The following SAMMSON variants were observed in gnomAD, a reference collection of about 807,000 sequenced individuals.
SAMMSON encodes the protein long intergenic non-protein coding RNA 1212.
chr3:70,001,550 C>T (rs1215182369), intron 1 of SAMMSON, among the ~76,000 whole-genome samples: 7 of 151,364 alleles, frequency 4.6e-5, no homozygotes, highest in South Asian at 4.2e-4. Context: ...ACTATGTGTA[C>T]GCTTTTTGGT....
intron 3 of SAMMSON, chr3:70,014,324 A>C (rs1221114047): frequency 6.6e-6 from 1 of 152,146 alleles, no homozygotes; most frequent in East Asian, 1.9e-4. Flanking sequence ...GGAGGCGTCT[A>C]AAAGATAAAT....
intron 3 of SAMMSON, among the ~76,000 whole-genome samples, chr3:70,041,016 G>A (rs2067104451): frequency 6.6e-6 from 1 of 152,086 alleles, no homozygotes; most frequent in South Asian, 2.1e-4. Context: ...GACGTTACCA[G>A]GGGCATTTAA....
intron 7 of SAMMSON, among the ~76,000 whole-genome samples, chr3:70,334,695 T>C (rs1702648838): frequency 6.6e-6 from 1 of 152,106 alleles, no homozygotes; most frequent in African/African-American, 2.4e-5. Context: ...AAGCTAAATA[T>C]GACTCCCTCA....
chr3:70,015,400 C>G (rs2066979273), intron 3 of SAMMSON: 1 of 145,390 alleles, frequency 6.9e-6, no homozygotes, highest in Non-Finnish European at 1.5e-5. Flanking sequence ...AAGTGCTGTT[C>G]TTTTTTTTTT....
At chr3:70,232,121 C>T (rs146003763) in intron 4 of SAMMSON, among the ~76,000 whole-genome samples, 118 of 152,284 alleles carry the variant, frequency 7.7e-4, no homozygotes, top group African/African-American at 2.6e-3. Flanking sequence ...GTGACACTGG[C>T]AGCGAGATGT....
At chr3:70,244,580 G>C (rs992119376) in intron 4 of SAMMSON, among the ~76,000 whole-genome samples, 1 of 152,174 alleles carries the variant, frequency 6.6e-6, no homozygotes, top group Admixed American at 6.6e-5. Context: ...AGACAAGATT[G>C]ACTGGTGAAT....
chr3:70,079,717 C>T (rs746235728), intron 4 of SAMMSON, among the ~76,000 whole-genome samples: 68 of 152,248 alleles, frequency 4.5e-4, no homozygotes, highest in Non-Finnish European at 7.6e-4. Flanking sequence ...TTTTGACTTA[C>T]GGTACTTTCA....
At chr3:70,426,916 C>T (rs1701374797) in intron 2 of SAMMSON, among the ~76,000 whole-genome samples, 2 of 152,220 alleles carry the variant, frequency 1.3e-5, no homozygotes, top group African/African-American at 4.8e-5. Flanking sequence ...GGATCACTTT[C>T]ACATTTAACA....
chr3:70,372,561 A>G (rs776139833), intron 9 of SAMMSON, among the ~76,000 whole-genome samples: 35 of 152,116 alleles, frequency 2.3e-4, no homozygotes, highest in Non-Finnish European at 4.3e-4. Context: ...TGGCCTCCCA[A>G]GGTGCTGGGA....
At chr3:70,066,712 G>A (rs2067211454) in intron 3 of SAMMSON, among the ~76,000 whole-genome samples, 2 of 152,092 alleles carry the variant, frequency 1.3e-5, no homozygotes, top group South Asian at 2.1e-4. Flanking sequence ...CCACTTTAAT[G>A]TCAGGGATTT....
intron 4 of SAMMSON, among the ~76,000 whole-genome samples, chr3:70,104,608 G>C (rs1003960181): frequency 1.3e-5 from 2 of 152,026 alleles, no homozygotes; most frequent in Non-Finnish European, 2.9e-5. Flanking sequence ...AAACCGTGTC[G>C]GACCTTTACA....
At chr3:70,410,442 T>C (rs993550568) in intron 2 of SAMMSON, among the ~76,000 whole-genome samples, 3 of 152,184 alleles carry the variant, frequency 2.0e-5, no homozygotes, top group African/African-American at 7.2e-5. Context: ...ACTAAGGATA[T>C]CAAGTACGTG....
intron 4 of SAMMSON, among the ~76,000 whole-genome samples, chr3:70,091,099 A>G (rs942245078): frequency 2.0e-5 from 3 of 152,136 alleles, no homozygotes; most frequent in Non-Finnish European, 4.4e-5. Context: ...GTGAATCGAC[A>G]CTTTGGATGG....
chr3:70,024,375 T>C (rs530865364), intron 3 of SAMMSON, among the ~76,000 whole-genome samples: 2 of 152,290 alleles, frequency 1.3e-5, no homozygotes, highest in Admixed American at 1.3e-4. Flanking sequence ...TAATTTCTGA[T>C]TGGAATAGAA....
At chr3:70,191,885 TAA>T (rs11407511) in intron 4 of SAMMSON, among the ~76,000 whole-genome samples, 16 of 134,936 alleles carry the variant, frequency 1.2e-4, no homozygotes, top group Admixed American at 1.5e-4. Context: ...ACTCTTTCCC[TAA>T]AAAAAAAAAA....
chr3:70,354,791 A>G (rs1407923227), intron 8 of SAMMSON, among the ~76,000 whole-genome samples: 1 of 152,150 alleles, frequency 6.6e-6, no homozygotes. Context: ...ACATTCTCGG[A>G]TGCTTTCACC....
intron 4 of SAMMSON, among the ~76,000 whole-genome samples, chr3:70,230,731 G>T (rs944613078): frequency 1.3e-5 from 2 of 152,186 alleles, no homozygotes; most frequent in African/African-American, 4.8e-5. Flanking sequence ...GTCTGTGGAA[G>T]AATTCATCCC....
intron 4 of SAMMSON, among the ~76,000 whole-genome samples, chr3:70,174,198 A>C (rs1700986569): frequency 6.6e-6 from 1 of 152,014 alleles, no homozygotes; most frequent in Non-Finnish European, 1.5e-5. Flanking sequence ...GGTTTAAACC[A>C]CACCTCTACA....
chr3:70,397,991 T>C (rs1305376467), intron 2 of SAMMSON, among the ~76,000 whole-genome samples: 1 of 152,232 alleles, frequency 6.6e-6, no homozygotes, highest in African/African-American at 2.4e-5. Flanking sequence ...TTATGTATTC[T>C]ATTTTTTCTC....
Sources: allele counts gnomAD v4.1 joint callset (sites outside exome capture counted in the v4.1 genomes callset), GRCh38; gene constraint gnomAD v4.1.1; transcripts MANE v1.5; gene names NCBI Gene and HGNC (gene_info 2026-07-23, HGNC 2026-07-21).